Variants in INAVA observed in about 807,000 individuals in gnomAD.
INAVA encodes innate immunity activator.
In INAVA, 32 loss-of-function variants were observed where a neutral mutation model predicts 55.3. The ratio of observed to expected loss-of-function variants is 0.58; its 90% CI spans 0.44 to 0.78. INAVA has a LOEUF of 0.78. INAVA is among the 30% of genes least tolerant of loss of function. The pLI, the probability that INAVA is intolerant of heterozygous loss-of-function variation, is 0.00. For missense variants in INAVA, 756 were observed against 786.4 expected, an observed-to-expected ratio of 0.96 and a Z score of 0.46; for synonymous variants, 294 against 329.4, an observed-to-expected ratio of 0.89 and a Z score of 1.16.
chr1:200,910,375 C>G (rs1653663803), intron 8 of INAVA, among the ~76,000 whole-genome samples: 1 of 152,168 alleles, frequency 6.6e-6, no homozygotes. Context: ...TGAGAATTGA[C>G]TGTATGTTAC....
chr1:200,900,217 A>G lies in INAVA; in HGVS notation c.294A>G (p.Arg98=). 6.2e-7 allele frequency: 1 copy of G among 1,613,582 alleles called. No homozygotes were observed. The highest frequency in any genetic ancestry group is 8.5e-7 in the Non-Finnish European group (1 of 1,179,570). The part of the protein sequence containing the change: ...AYKLDDWALH[R]EDPLSSLERQ... ...AACTGGATGACTGGGCCTTGCACAGAGAGGTGAGGAACCTCAGGAAGCTGC... is the reference window on the plus strand; with the variant it reads ...AACTGGATGACTGGGCCTTGCACAGGGAGGTGAGGAACCTCAGGAAGCTGC... Residue 98 remains arginine, a synonymous_variant, in exon 4 of 10, where the codon AGA becomes AGG. Transcript: ENST00000413687.
chr1:200,907,090 G>A (rs1286497226), intron 5 of INAVA, among the ~76,000 whole-genome samples: 1 of 151,972 alleles, frequency 6.6e-6, no homozygotes, highest in Non-Finnish European at 1.5e-5. Flanking sequence ...CTCCTAAAAT[G>A]CTGGGATTAC....
chr1:200,894,120 T>C (rs954163528), upstream of INAVA, among the ~76,000 whole-genome samples: 3 of 152,136 alleles, frequency 2.0e-5, no homozygotes, highest in Admixed American at 6.5e-5. Context: ...GCTTATTTTT[T>C]ATAGGAAATA....
At chr1:200,904,391 C>T (rs150952305) in intron 5 of INAVA, among the ~76,000 whole-genome samples, 131 of 152,262 alleles carry the variant, frequency 8.6e-4, no homozygotes, top group African/African-American at 2.9e-3. Flanking sequence ...CCTGGCCGCT[C>T]ATAGCATTTC....
chr1:200,895,223 A>G, intron 1 of INAVA, 136 bp downstream of exon 1: 1 of 713,176 alleles, frequency 1.4e-6, no homozygotes, highest in Non-Finnish European at 1.7e-6. Flanking sequence ...TAGGGATGAC[A>G]GAGGGGTGCT....
At position 200,895,889 on chromosome 1, in the gene INAVA, T is replaced by C. The variant is rs990717721; in HGVS notation, c.-95+802T>C. Among the ~76,000 whole-genome samples, 7 of 152,314 alleles carry C rather than the reference T, an allele frequency of 4.6e-5. No homozygotes were observed. The East Asian group carries it at 1.4e-3, about 29-fold the overall frequency. On this transcript the variant is annotated intron_variant, in intron 1 of 9. Transcript: ENST00000413687. Reference sequence around the variant, plus strand: ...TACAGACCGCAGCAGAACCAAGCCTTGAGCCCACAGCCAGGGGCTCTGGGC... The same window carrying C: ...TACAGACCGCAGCAGAACCAAGCCTCGAGCCCACAGCCAGGGGCTCTGGGC...
chr1:200,894,616 G>T (rs1668301131), upstream of INAVA, among the ~76,000 whole-genome samples: 1 of 152,300 alleles, frequency 6.6e-6, no homozygotes, highest in African/African-American at 2.4e-5. Flanking sequence ...AGGAAGGCAG[G>T]GAGAGCCAGG....
chr1:200,898,579 G>C lies in INAVA; in HGVS notation c.55+124G>C, dbSNP rs980141293. 6.4e-6 allele frequency: 7 copies of C among 1,087,722 alleles called. No individual in the cohort carries two copies. The African/African-American group carries it at 9.4e-5, about 15-fold the overall frequency. 67.4% of individuals were successfully genotyped at this position (1,087,722 alleles called of 1,614,324 possible). A position where few individuals can be genotyped will look rare whatever the true frequency, so the allele number is the denominator to read the frequency against. ...GGCTGGGCTGAGACTCCCAAGGGCTGAGAGGAAGGGGAGGGAGAGGCCTCT... is the reference window on the plus strand; with the variant it reads ...GGCTGGGCTGAGACTCCCAAGGGCTCAGAGGAAGGGGAGGGAGAGGCCTCT... On this transcript the variant is annotated intron_variant, in intron 2 of 9. Transcript: ENST00000413687.
chr1:200,913,507 C>A (rs770709881), intron 9 of INAVA, 30 bp from the exon 10 acceptor site: 10 of 1,589,276 alleles, frequency 6.3e-6, no homozygotes, highest in Non-Finnish European at 7.8e-6. Context: ...GTTCATTTAC[C>A]CACCTGTCCT....
Position 200,894,994 on chromosome 1 carries a change from C to A in INAVA, c.-188C>A. On this transcript the variant is annotated 5_prime_UTR_variant, in exon 1 of 10. Transcript: ENST00000413687. ...CTGGAGAGAGAGCACAGGCCTGTGG[C>A]TTGGGAGACCCTGAGGCGACATGTG... is the stretch of plus-strand genomic sequence containing the variant. 1 of 985,610 alleles carries A rather than the reference C, an allele frequency of 1.0e-6. No individual in the cohort carries two copies. Among genetic ancestry groups the A allele is most frequent in the Non-Finnish European group, 1.2e-6 (1 of 830,040 alleles). The allele number at this position is 985,610 out of a possible 1,614,324, so 61.1% of individuals were successfully genotyped here.
In INAVA at chr1:200,908,872, G is replaced by T. The variant is rs1431377391; in HGVS notation, c.717G>T (p.Trp239Cys). The T allele has an allele frequency of 6.2e-7, 1 of 1,614,030 alleles. No individual in the cohort carries two copies. Among genetic ancestry groups the T allele is most frequent in the Admixed American group, 1.7e-5 (1 of 60,008 alleles). Reference sequence around the variant, plus strand: ...GGGCTCCAGTCCAGAACAGCCCCTGGAAGGAAACCAGCCTGGACCACCCCT... The same window carrying T: ...GGGCTCCAGTCCAGAACAGCCCCTGTAAGGAAACCAGCCTGGACCACCCCT... ...PERAPVQNSP[W>C]KETSLDHPYE... Residue 239 changes from tryptophan (W) to cysteine (C), a missense_variant, in exon 7 of 10, where the codon TGG becomes TGT. Coordinates refer to ENST00000413687, the MANE Select transcript of INAVA (RefSeq NM_001142569.3).
intron 5 of INAVA, 52 bp from the exon 6 acceptor site, chr1:200,907,782 T>G: frequency 2.0e-6 from 3 of 1,518,604 alleles, no homozygotes; most frequent in Non-Finnish European, 2.7e-6. Context: ...TACTCATATC[T>G]GTTTGTTCAT....
intron 1 of INAVA, 92 bp from the exon 2 acceptor site, chr1:200,898,215 C>T: frequency 3.6e-6 from 5 of 1,375,546 alleles, no homozygotes; most frequent in Non-Finnish European, 5.0e-6. Context: ...TCCTCCCTTC[C>T]ACTCCCCTGC....
intron 8 of INAVA, among the ~76,000 whole-genome samples, chr1:200,911,153 A>AGTACTTTAAAAAAAGTACTTAATGTG (rs1258839138): frequency 1.2e-5 from 1 of 81,234 alleles, no homozygotes; most frequent in Non-Finnish European, 2.4e-5. Flanking sequence ...TACTTAATGT[A>AGTACTTTAAAAAAAGTACTTAATGTG]GTACTTTAAA....
At chr1:200,905,108 T>C (rs1256083615) in intron 5 of INAVA, among the ~76,000 whole-genome samples, 2 of 151,812 alleles carry the variant, frequency 1.3e-5, no homozygotes, top group African/African-American at 4.8e-5. Flanking sequence ...TAAGAGGGGG[T>C]CTCTTTAATT....
chr1:200,895,095 C>T lies in INAVA; in HGVS notation c.-95+8C>T, dbSNP rs921998196. On this transcript the variant is annotated splice_region_variant and intron_variant, in intron 1 of 9. Coordinates refer to ENST00000413687, the MANE Select transcript of INAVA (RefSeq NM_001142569.3). Reference sequence around the variant, plus strand: ...ACTAAAGCCCAGAAGCAGGTGAGGGCGGGGGAGGTGGAATGGGTCTTTGGG... The same window carrying T: ...ACTAAAGCCCAGAAGCAGGTGAGGGTGGGGGAGGTGGAATGGGTCTTTGGG... 6.1e-6 allele frequency: 6 copies of T among 985,376 alleles called. No individual in the cohort carries two copies. The highest frequency in any genetic ancestry group is 4.7e-5 in the South Asian group (1 of 21,294). 61.0% of individuals were successfully genotyped at this position (985,376 alleles called of 1,614,324 possible). A position where few individuals can be genotyped will look rare whatever the true frequency, so the allele number is the denominator to read the frequency against.
chr1:200,901,577 G>C (rs1292047908), intron 5 of INAVA, among the ~76,000 whole-genome samples: 1 of 152,232 alleles, frequency 6.6e-6, no homozygotes, highest in African/African-American at 2.4e-5. Context: ...GCTCTGAGTT[G>C]ATGTGTAGTC....
chr1:200,903,668 G>A (rs1653360650), intron 5 of INAVA, among the ~76,000 whole-genome samples: 1 of 151,740 alleles, frequency 6.6e-6, no homozygotes, highest in Non-Finnish European at 1.5e-5. Context: ...GCCAGGCATG[G>A]TGGCGCATGC....
chr1:200,900,062 G>GGCA (rs1653171561), intron 3 of INAVA, 42 bp from the exon 4 acceptor site: 3 of 1,542,378 alleles, frequency 1.9e-6, no homozygotes, highest in Admixed American at 3.6e-5. Context: ...GCCAAGTCTG[G>GGCA]GCAGGTGGAG....
Sources: gnomAD v4.1 joint callset for allele counts (sites outside exome capture counted in the v4.1 genomes callset) on GRCh38, gnomAD v4.1.1 for gene constraint, MANE v1.5 for transcripts, NCBI Gene and HGNC (gene_info 2026-07-23, HGNC 2026-07-21) for gene names.